The following RAI1 variants were observed in gnomAD, a reference collection of about 807,000 sequenced individuals.
RAI1 encodes the protein retinoic acid-induced protein 1.
Under a neutral mutation model 123.8 loss-of-function variants are expected in RAI1, and 9 were observed. That is an observed-to-expected ratio of 0.07 (90% confidence interval 0.04 to 0.13). The LOEUF (loss-of-function observed/expected upper bound fraction) is 0.13, where lower values mean the gene tolerates loss of function less well. RAI1 is among the 10% of genes least tolerant of loss of function. The pLI is 1.00. For missense variants in RAI1, 2,256 were observed against 2,545.8 expected (o/e 0.89, Z 2.45); for synonymous variants, 1,231 against 1,127.3 (o/e 1.09, Z -1.84).
At chr17:17,697,459 G>A (rs190313549) in intron 1 of RAI1, among the ~76,000 whole-genome samples, 10 of 152,356 alleles carry the variant, frequency 6.6e-5, no homozygotes, top group Admixed American at 3.3e-4. Flanking sequence ...TGCAGCCAAC[G>A]GCCCGCTCTA....
Position 17,798,523 on chromosome 17 carries a change from C to T in RAI1, c.5565+10C>T, listed in dbSNP as rs780025839. 17 of 1,598,662 alleles carry T rather than the reference C, an allele frequency of 1.1e-5. No individual in the cohort carries two copies. Among genetic ancestry groups the T allele is most frequent in the African/African-American group, 1.3e-5 (1 of 74,918 alleles). ...GGTGGCCGTGGACATGGTAAGAGGC[C>T]AGCCCAGCCAGGGTGGGGAGTGTGG... On this transcript the variant is annotated intron_variant, in intron 3 of 5. Coordinates refer to ENST00000353383, the MANE Select transcript of RAI1 (RefSeq NM_030665.4).
intron 2 of RAI1, among the ~76,000 whole-genome samples, chr17:17,738,333 G>A (rs956971071): frequency 1.3e-5 from 2 of 151,060 alleles, no homozygotes; most frequent in Admixed American, 6.6e-5. Flanking sequence ...TGAGTGGGGC[G>A]GGCTGGCTGG....
intron 1 of RAI1, among the ~76,000 whole-genome samples, chr17:17,722,004 A>G (rs4244601): frequency 0.86 from 131,197 of 152,040 alleles, 57,414 homozygotes; most frequent in African/African-American, 0.97. Flanking sequence ...TAGGTGGAGA[A>G]GGGAGATTGG....
At chr17:17,780,389 A>T (rs905597815) in intron 2 of RAI1, among the ~76,000 whole-genome samples, 1 of 152,014 alleles carries the variant, frequency 6.6e-6, no homozygotes, top group African/African-American at 2.4e-5. Flanking sequence ...TTCTCCCAAG[A>T]AAACCAGTTT....
In RAI1 at chr17:17,769,354, G is replaced by T. The variant is rs558802239; in HGVS notation, c.-16-23579G>T. Among the ~76,000 whole-genome samples the T allele has an allele frequency of 5.9e-4, 90 of 152,358 alleles. 2 individuals carry two copies. Among genetic ancestry groups the T allele is most frequent in the South Asian group, 3.9e-3 (19 of 4,830 alleles). ...AGGCTGTGCCTTTTAAGCCTTCTGC[G>T]CAGGCCTCCTTGGGACAGCCCGGGT... On this transcript the variant is annotated intron_variant, in intron 2 of 5. Coordinates refer to ENST00000353383, the MANE Select transcript of RAI1 (RefSeq NM_030665.4).
At chr17:17,690,491 C>G (rs1454378593) in intron 1 of RAI1, among the ~76,000 whole-genome samples, 1 of 152,106 alleles carries the variant, frequency 6.6e-6, no homozygotes, top group East Asian at 1.9e-4. Context: ...CTGCCTGCCT[C>G]TGTGTGTCTT....
chr17:17,810,358 G>C lies in RAI1; in HGVS notation c.*377G>C. ...CACTTTCCCTCTGGAATCTCAAGAC[G>C]ACGTGGCACACATTCCACGTGGGTG... is the stretch of plus-strand genomic sequence containing the variant. On this transcript the variant is annotated 3_prime_UTR_variant, in exon 6 of 6. Transcript: ENST00000353383. The surrounding 1 kb of genome is among the most constrained non-coding windows in gnomAD (Gnocchi z 4.6). The C allele has an allele frequency of 3.1e-6, 1 of 318,626 alleles. No homozygotes were observed. Among genetic ancestry groups the C allele is most frequent in the Non-Finnish European group, 5.8e-6 (1 of 171,716 alleles). 19.7% of individuals were successfully genotyped at this position (318,626 alleles called of 1,614,324 possible). A position where few individuals can be genotyped will look rare whatever the true frequency, so the allele number is the denominator to read the frequency against.
At chr17:17,722,171 G>T (rs1319766141) in intron 1 of RAI1, among the ~76,000 whole-genome samples, 1 of 152,198 alleles carries the variant, frequency 6.6e-6, no homozygotes, top group Non-Finnish European at 1.5e-5. Flanking sequence ...ACGAGCCAGG[G>T]CTGACACATC....
At chr17:17,739,986 G>C (rs959145112) in intron 2 of RAI1, among the ~76,000 whole-genome samples, 4 of 152,244 alleles carry the variant, frequency 2.6e-5, no homozygotes, top group Admixed American at 6.5e-5. Flanking sequence ...TCCCCACTGG[G>C]AGTGGGGATG....
intron 2 of RAI1, among the ~76,000 whole-genome samples, chr17:17,725,490 C>T (rs1916057258): frequency 6.6e-6 from 1 of 152,108 alleles, no homozygotes; most frequent in Admixed American, 6.5e-5. Flanking sequence ...AATGCTAGCC[C>T]AGAAAATTTC....
intron 1 of RAI1, among the ~76,000 whole-genome samples, chr17:17,694,458 C>G (rs1264443923): frequency 3.3e-5 from 5 of 152,192 alleles, no homozygotes; most frequent in Admixed American, 2.6e-4. Context: ...TCTCAGAGGG[C>G]TGGGAGGGCC....
chr17:17,737,604 G>A (rs1165071651), intron 2 of RAI1, among the ~76,000 whole-genome samples: 1 of 152,178 alleles, frequency 6.6e-6, no homozygotes, highest in East Asian at 1.9e-4. Context: ...GCCAGCTGAG[G>A]CTTGCTCCCC....
intron 2 of RAI1, among the ~76,000 whole-genome samples, chr17:17,775,994 C>G (rs1555562686): frequency 6.6e-6 from 1 of 152,254 alleles, no homozygotes; most frequent in Non-Finnish European, 1.5e-5. Flanking sequence ...GCTGCGTCCC[C>G]CAAAGCTGTG....
chr17:17,703,266 G>C (rs532963608), intron 1 of RAI1, among the ~76,000 whole-genome samples: 2 of 152,186 alleles, frequency 1.3e-5, no homozygotes, highest in African/African-American at 4.8e-5. Context: ...CAGGAGGACA[G>C]CCGCGCCCCC....
intron 2 of RAI1, among the ~76,000 whole-genome samples, chr17:17,740,860 C>A (rs1916602641): frequency 6.6e-6 from 1 of 151,448 alleles, no homozygotes; most frequent in African/African-American, 2.4e-5. Flanking sequence ...AAAGCAGATA[C>A]TTCCTCAGAG....
chr17:17,796,753 C>T lies in RAI1; in HGVS notation c.3805C>T (p.Leu1269Phe), dbSNP rs2032271840. ...KEERPEGSPT[L>F]FKRMSSPKKA... ...GGAGAGGCCTGAGGGTTCCCCCACC[C>T]TCTTCAAGAGGATGTCTTCTCCCAA... The change falls in exon 3 of 6, where the codon CTC (leucine) becomes TTC (phenylalanine). Residue 1269 changes from leucine to phenylalanine, a missense_variant. Leu to Phe is a conservative substitution (Grantham distance 22). Coordinates refer to ENST00000353383, the MANE Select transcript of RAI1 (RefSeq NM_030665.4). This position sits in a 1 kb window ranked among gnomAD's most constrained non-coding sequence, Gnocchi z 5.8. 3 of 1,613,432 alleles carry T rather than the reference C, an allele frequency of 1.9e-6. No homozygotes were observed. Among genetic ancestry groups the T allele is most frequent in the Non-Finnish European group, 2.5e-6 (3 of 1,179,880 alleles).
intron 2 of RAI1, among the ~76,000 whole-genome samples, chr17:17,750,230 T>C (rs1025052093): frequency 2.6e-5 from 4 of 152,252 alleles, no homozygotes; most frequent in Non-Finnish European, 4.4e-5. Flanking sequence ...AATCTTCCCA[T>C]AGGTTGCTGT....
intron 2 of RAI1, among the ~76,000 whole-genome samples, chr17:17,747,605 G>A (rs1275794780): frequency 6.6e-6 from 1 of 152,196 alleles, no homozygotes; most frequent in African/African-American, 2.4e-5. Flanking sequence ...CTTTTTCAAA[G>A]ATAGTTTGGT....
At chr17:17,706,378 T>C (rs1470265225) in intron 1 of RAI1, among the ~76,000 whole-genome samples, 1 of 152,144 alleles carries the variant, frequency 6.6e-6, no homozygotes, top group Non-Finnish European at 1.5e-5. Context: ...TGCTCTGCAC[T>C]GAATGATGAG....
Sources: gnomAD v4.1 joint callset for allele counts (sites outside exome capture counted in the v4.1 genomes callset) on GRCh38, gnomAD v4.1.1 for gene constraint, Gnocchi (gnomAD v3.1) non-coding constraint, MANE v1.5 for transcripts, NCBI Gene and HGNC (gene_info 2026-07-23, HGNC 2026-07-21) for gene names.